Variants in THSD7A observed in about 807,000 individuals in gnomAD.
THSD7A encodes thrombospondin type 1 domain containing 7A.
Under a neutral mutation model 231.3 loss-of-function variants are expected in THSD7A, and 96 were observed. The ratio of observed to expected loss-of-function variants is 0.41; its 90% confidence interval spans 0.35 to 0.49. THSD7A has a LOEUF of 0.49. THSD7A is among the 20% of genes least tolerant of loss of function. The pLI is 0.05. For missense variants in THSD7A, 2,290 were observed against 2,070.2 expected (o/e 1.11, Z -2.06); for synonymous variants, 940 against 743.3 (o/e 1.26, Z -4.30).
intron 13 of THSD7A, among the ~76,000 whole-genome samples, chr7:11,436,655 G>A (rs888499466): frequency 3.3e-5 from 5 of 151,050 alleles, no homozygotes; most frequent in East Asian, 3.9e-4. Context: ...TGAAACATTC[G>A]GAATTTAAGA....
intron 1 of THSD7A, among the ~76,000 whole-genome samples, chr7:11,660,812 T>G (rs1185304135): frequency 6.6e-6 from 1 of 151,524 alleles, no homozygotes; most frequent in Non-Finnish European, 1.5e-5. Flanking sequence ...TACTTCTAAC[T>G]GTGGCATACT....
At position 11,373,579 on chromosome 7, in the gene THSD7A, A is replaced by C. The variant is rs759362545; in HGVS notation, c.*2215T>G. The C allele has an allele frequency of 6.6e-5, 10 of 151,998 alleles. No individual in the cohort carries two copies. Among genetic ancestry groups the C allele is most frequent in the Non-Finnish European group, 1.5e-4 (10 of 67,956 alleles). The allele number at this position is 151,998 out of a possible 1,614,324, so 9.4% of individuals were successfully genotyped here. A position where few individuals can be genotyped will look rare whatever the true frequency, so the allele number is the denominator to read the frequency against. ...CTGACTACCTGTTCTCTTTGAAATGATTTACATTTCCTAATATAGTGAATA... is the reference window on the plus strand; with the variant it reads ...CTGACTACCTGTTCTCTTTGAAATGCTTTACATTTCCTAATATAGTGAATA... On this transcript the variant is annotated 3_prime_UTR_variant, in exon 28 of 28. Transcript: ENST00000423059.
At chr7:11,473,730 C>T (rs1299170787) in intron 8 of THSD7A, among the ~76,000 whole-genome samples, 1 of 152,034 alleles carries the variant, frequency 6.6e-6, no homozygotes, top group Non-Finnish European at 1.5e-5. Flanking sequence ...AAAGTGTTTG[C>T]CCTGTTATTA....
chr7:11,407,462 T>G (rs750399860), intron 19 of THSD7A, 39 bp from the exon 20 acceptor site: 2 of 1,491,178 alleles, frequency 1.3e-6, no homozygotes. Context: ...ATATTGTAAA[T>G]TGGGGGAGGG....
At chr7:11,656,430 A>C (rs1437479017) in intron 1 of THSD7A, among the ~76,000 whole-genome samples, 1 of 151,856 alleles carries the variant, frequency 6.6e-6, no homozygotes, top group African/African-American at 2.4e-5. Context: ...CACAGTTCAC[A>C]GATGGTCTCC....
intron 1 of THSD7A, among the ~76,000 whole-genome samples, chr7:11,789,984 C>T (rs934986344): frequency 6.6e-6 from 1 of 151,460 alleles, no homozygotes; most frequent in African/African-American, 2.4e-5. Context: ...GAATCAGGTA[C>T]CAAAAAGTTA....
intron 23 of THSD7A, chr7:11,385,248 AATG>A (rs1782683504): frequency 6.6e-6 from 1 of 152,200 alleles, no homozygotes; most frequent in East Asian, 1.9e-4. Flanking sequence ...ATACTATGAG[AATG>A]ATAATTTTAT....
intron 2 of THSD7A, among the ~76,000 whole-genome samples, chr7:11,616,737 T>C (rs1286787385): frequency 6.6e-6 from 1 of 152,124 alleles, no homozygotes; most frequent in Non-Finnish European, 1.5e-5. Context: ...TTTTGAGAAG[T>C]CTAGCTCTTT....
chr7:11,733,648 T>C (rs992361706), intron 1 of THSD7A, among the ~76,000 whole-genome samples: 5 of 151,738 alleles, frequency 3.3e-5, no homozygotes, highest in Non-Finnish European at 7.4e-5. Flanking sequence ...ATCTGAAGCA[T>C]TGGGTCCTTT....
In THSD7A at chr7:11,474,905, T is replaced by C. The variant is rs1469129615; in HGVS notation, c.2018-337A>G. Among the ~76,000 whole-genome samples, 1 of 152,162 alleles carries C rather than the reference T, an allele frequency of 6.6e-6. No individual in the cohort carries two copies. The highest frequency in any genetic ancestry group is 1.5e-5 in the Non-Finnish European group (1 of 68,022). On this transcript the variant is annotated intron_variant, in intron 7 of 27. Transcript: ENST00000423059. This position sits in a 1 kb window ranked among gnomAD's most constrained non-coding sequence, Gnocchi z 4.1. The stretch of plus-strand genomic sequence containing the variant: ...TCAAGGAGTACAATTTCACTACTTT[T>C]TGGAGTCTGAAGAATGCCTCAGATT...
At chr7:11,486,275 T>A (rs1397972555) in intron 6 of THSD7A, among the ~76,000 whole-genome samples, 1 of 152,224 alleles carries the variant, frequency 6.6e-6, no homozygotes, top group Non-Finnish European at 1.5e-5. Flanking sequence ...TTATTTTGAT[T>A]GGATAAGAAC....
At chr7:11,494,389 A>G (rs1359480275) in intron 6 of THSD7A, among the ~76,000 whole-genome samples, 1 of 152,024 alleles carries the variant, frequency 6.6e-6, no homozygotes, top group Non-Finnish European at 1.5e-5. Context: ...GGACCACAAA[A>G]ATCCCCAAAT....
chr7:11,486,732 C>A (rs926114368), intron 6 of THSD7A, among the ~76,000 whole-genome samples: 1 of 152,154 alleles, frequency 6.6e-6, no homozygotes, highest in Non-Finnish European at 1.5e-5. Context: ...TTTTGGCATA[C>A]ATTTACAAAC....
chr7:11,423,147 C>A, intron 16 of THSD7A, among the ~76,000 whole-genome samples: 1 of 152,022 alleles, frequency 6.6e-6, no homozygotes, highest in East Asian at 1.9e-4. Flanking sequence ...AGAGAAAAAA[C>A]AAATTGAGAG....
At chr7:11,516,220 A>G (rs1788024462) in intron 6 of THSD7A, among the ~76,000 whole-genome samples, 1 of 152,200 alleles carries the variant, frequency 6.6e-6, no homozygotes, top group South Asian at 2.1e-4. Flanking sequence ...CCCAAAAGCT[A>G]AATTGCCCTC....
intron 1 of THSD7A, among the ~76,000 whole-genome samples, chr7:11,694,623 A>C (rs1343241046): frequency 6.6e-6 from 1 of 151,550 alleles, no homozygotes; most frequent in Non-Finnish European, 1.5e-5. Context: ...TGTTCATTAC[A>C]CTGCTCACAA....
intron 1 of THSD7A, among the ~76,000 whole-genome samples, chr7:11,670,253 A>G (rs1428794092): frequency 6.6e-6 from 1 of 152,158 alleles, no homozygotes; most frequent in African/African-American, 2.4e-5. Flanking sequence ...AGAGCCTGGA[A>G]GGCTGGGCTA....
chr7:11,391,083 T>C (rs1782962742), intron 23 of THSD7A, among the ~76,000 whole-genome samples: 1 of 152,208 alleles, frequency 6.6e-6, no homozygotes, highest in South Asian at 2.1e-4. Context: ...CGGGACCCAC[T>C]TGAGGAGTCA....
intron 13 of THSD7A, among the ~76,000 whole-genome samples, chr7:11,431,306 T>C (rs1230008052): frequency 6.6e-6 from 1 of 152,214 alleles, no homozygotes. Flanking sequence ...ATAGTTGTTT[T>C]CTCAAGAGAA....
Sources: gnomAD v4.1 joint callset for allele counts (sites outside exome capture counted in the v4.1 genomes callset) on GRCh38, gnomAD v4.1.1 for gene constraint, Gnocchi (gnomAD v3.1) non-coding constraint, MANE v1.5 for transcripts, NCBI Gene and HGNC (gene_info 2026-07-23, HGNC 2026-07-21) for gene names.